The following CNTN4 variants were observed in gnomAD, a reference collection of about 807,000 sequenced individuals.
The protein encoded by CNTN4 is contactin 4, also known as contactin-4.
CNTN4 carries 77 observed loss-of-function variants against 122.5 expected under a neutral mutation model. That is an observed-to-expected ratio of 0.63 (90% confidence interval 0.52 to 0.76). The LOEUF (loss-of-function observed/expected upper bound fraction) is 0.76. Among genes scored for constraint, CNTN4 ranks in the 30% least tolerant of loss-of-function variants. CNTN4 has a pLI of 0.00. For missense variants in CNTN4, 1,256 were observed against 1,259.1 expected (o/e 1.00, Z 0.04); for synonymous variants, 512 against 447.0 (o/e 1.15, Z -1.83).
chr3:2,331,887 C>T lies in CNTN4; in HGVS notation c.-144-7291C>T, dbSNP rs538908795. Among the ~76,000 whole-genome samples, 166 of 152,266 alleles carry T rather than the reference C, an allele frequency of 1.1e-3. 1 individual carries two copies. The highest frequency in any genetic ancestry group is 3.8e-3 in the African/African-American group (156 of 41,552). On this transcript the variant is annotated intron_variant, in intron 2 of 24. Coordinates refer to ENST00000418658, the MANE Select transcript of CNTN4 (RefSeq NM_175607.3). ...GTAGTTTTCCTGCCCAGTCCCCTGC[C>T]GCTGGGCTGCGGAGTTATCTTGTCT...
At chr3:2,517,621 T>G (rs1575824950) in intron 3 of CNTN4, among the ~76,000 whole-genome samples, 1 of 152,270 alleles carries the variant, frequency 6.6e-6, no homozygotes, top group Admixed American at 6.5e-5. Flanking sequence ...GAGTAATATG[T>G]TTAGGTCTTC....
At chr3:2,667,546 A>G (rs1184368156) in intron 4 of CNTN4, among the ~76,000 whole-genome samples, 3 of 151,932 alleles carry the variant, frequency 2.0e-5, no homozygotes, top group East Asian at 1.9e-4. Context: ...TAGGTTCCCT[A>G]TTCACTGTGA....
At chr3:2,528,283 T>G (rs113260939) in intron 3 of CNTN4, among the ~76,000 whole-genome samples, 3,542 of 152,294 alleles carry the variant, frequency 0.023, 88 homozygotes, top group African/African-American at 0.057. Context: ...TTTTATTATT[T>G]TACATTTGAA....
chr3:2,215,830 C>T (rs919195656), intron 2 of CNTN4, among the ~76,000 whole-genome samples: 4 of 135,206 alleles, frequency 3.0e-5, no homozygotes, highest in African/African-American at 8.6e-5. Context: ...TTGCAGTGAG[C>T]CGAGACTGTG....
chr3:2,435,887 C>T (rs2048241610), intron 3 of CNTN4, among the ~76,000 whole-genome samples: 1 of 152,104 alleles, frequency 6.6e-6, no homozygotes, highest in Non-Finnish European at 1.5e-5. Flanking sequence ...GATTTCTATT[C>T]CCTTGTAATT....
chr3:3,033,875 T>C (rs921891472), intron 16 of CNTN4, among the ~76,000 whole-genome samples: 7 of 152,152 alleles, frequency 4.6e-5, no homozygotes, highest in African/African-American at 1.4e-4. Flanking sequence ...ATGGTTTAAG[T>C]ACATGGACAG....
chr3:3,040,199 A>T lies in CNTN4; in HGVS notation c.2326A>T (p.Lys776Ter). 1 of 1,614,194 alleles carries T rather than the reference A, an allele frequency of 6.2e-7. No homozygotes were observed. The highest frequency in any genetic ancestry group is 1.1e-5 in the South Asian group (1 of 91,080). ...SVHPFSPFEVKVGVFNNKGEG... is the reference protein window; with the variant it reads ...SVHPFSPFEV ...GCACCCCTTCTCTCCCTTTGAGGTT[A>T]AAGTAGGTGTCTTCAACAACAAAGG... Residue 776 changes from lysine to a stop codon, truncating the protein, a stop_gained, in exon 20 of 25, where the codon AAA becomes TAA. Transcript: ENST00000418658. LOFTEE classifies it high-confidence loss of function.
At chr3:3,037,568 T>C in intron 18 of CNTN4, 2 of 521,304 alleles carry the variant, frequency 3.8e-6, no homozygotes, top group South Asian at 4.1e-5. Flanking sequence ...ACACGGTGCT[T>C]AGTCCTCTCA....
Position 3,041,868 on chromosome 3 carries a change from G to T in CNTN4, c.2399-442G>T, listed in dbSNP as rs575644093. ...CCAGCTACTTGGGAGGCTGAGGCGGGAGGATGGCTTGAGCTCAGGAGGTCA... is the reference window on the plus strand; with the variant it reads ...CCAGCTACTTGGGAGGCTGAGGCGGTAGGATGGCTTGAGCTCAGGAGGTCA... On this transcript the variant is annotated intron_variant, in intron 20 of 24. Coordinates refer to ENST00000418658, the MANE Select transcript of CNTN4 (RefSeq NM_175607.3). 6.6e-4 allele frequency among the ~76,000 whole-genome samples: 101 copies of T among 152,310 alleles called. 1 individual carries two copies. The highest frequency in any genetic ancestry group is 1.7e-3 in the African/African-American group (70 of 41,570).
chr3:2,600,668 C>T (rs886506460), intron 4 of CNTN4, among the ~76,000 whole-genome samples: 5 of 152,134 alleles, frequency 3.3e-5, no homozygotes, highest in African/African-American at 1.2e-4. Context: ...CATACGTGTG[C>T]ATGTGTCTTT....
intron 3 of CNTN4, among the ~76,000 whole-genome samples, chr3:2,457,403 C>T (rs944448229): frequency 1.3e-5 from 2 of 152,044 alleles, no homozygotes; most frequent in African/African-American, 4.8e-5. Context: ...AAGCCCCAAG[C>T]TTCATAGCAC....
At chr3:2,309,559 A>G (rs1308185363) in intron 2 of CNTN4, among the ~76,000 whole-genome samples, 6 of 152,060 alleles carry the variant, frequency 3.9e-5, no homozygotes, top group East Asian at 1.9e-4. Flanking sequence ...TTCCATCAAC[A>G]TCCCTGCAGT....
At chr3:2,490,867 C>G (rs763285565) in intron 3 of CNTN4, among the ~76,000 whole-genome samples, 1 of 152,140 alleles carries the variant, frequency 6.6e-6, no homozygotes, top group Non-Finnish European at 1.5e-5. Flanking sequence ...AAAAGAAACA[C>G]AGAAATTATT....
chr3:2,194,274 G>T (rs2037733074), intron 2 of CNTN4, among the ~76,000 whole-genome samples: 1 of 151,894 alleles, frequency 6.6e-6, no homozygotes, highest in Non-Finnish European at 1.5e-5. Flanking sequence ...GACTAGCCTG[G>T]GCAACACAAA....
intron 14 of CNTN4, among the ~76,000 whole-genome samples, chr3:3,015,469 C>A (rs1697658847): frequency 6.6e-6 from 1 of 152,120 alleles, no homozygotes; most frequent in Admixed American, 6.5e-5. Context: ...TTAATACCTT[C>A]TATTTTAAGC....
At chr3:2,934,536 GA>G (rs1309879510) in intron 13 of CNTN4, among the ~76,000 whole-genome samples, 1 of 152,270 alleles carries the variant, frequency 6.6e-6, no homozygotes, top group Non-Finnish European at 1.5e-5. Context: ...AAGCAAATGT[GA>G]TGGCAGGTAT....
intron 4 of CNTN4, among the ~76,000 whole-genome samples, chr3:2,584,210 T>G (rs1347400161): frequency 2.0e-5 from 3 of 152,120 alleles, no homozygotes; most frequent in Admixed American, 1.3e-4. Flanking sequence ...GTAAAACACT[T>G]CCATCTACTT....
chr3:2,895,088 G>A (rs375488362), intron 10 of CNTN4, among the ~76,000 whole-genome samples: 82 of 152,168 alleles, frequency 5.4e-4, no homozygotes, highest in African/African-American at 1.9e-3. Flanking sequence ...TGATTCTCGC[G>A]CCTCAGCCTC....
chr3:2,183,782 A>C (rs2037126796), intron 2 of CNTN4, among the ~76,000 whole-genome samples: 1 of 152,186 alleles, frequency 6.6e-6, no homozygotes, highest in South Asian at 2.1e-4. Context: ...TGAGAATGAT[A>C]GTCACATAAC....
Sources: gnomAD v4.1 joint callset for allele counts (sites outside exome capture counted in the v4.1 genomes callset) on GRCh38, gnomAD v4.1.1 for gene constraint, MANE v1.5 for transcripts, NCBI Gene and HGNC (gene_info 2026-07-23, HGNC 2026-07-21) for gene names.